Variants in GSE1 observed in about 807,000 individuals in gnomAD.
GSE1 encodes the protein genetic suppressor element 1.
A neutral mutation model predicts 112.6 loss-of-function variants in GSE1; 32 were observed. The ratio of observed to expected loss-of-function variants is 0.28; its 90% CI spans 0.21 to 0.38. The LOEUF (loss-of-function observed/expected upper bound fraction) is 0.38. GSE1 is among the 10% of genes least tolerant of loss of function. The pLI is 1.00. For missense variants in GSE1, 2,348 were observed against 1,699.2 expected (o/e 1.38, Z -6.71); for synonymous variants, 1,115 against 735.6 (o/e 1.52, Z -8.35).
intron 1 of GSE1, among the ~76,000 whole-genome samples, chr16:85,190,676 A>T (rs1462319964): frequency 6.6e-6 from 1 of 152,244 alleles, no homozygotes; most frequent in East Asian, 1.9e-4. Flanking sequence ...GCTGAGGCAG[A>T]ATGCCAGTGC....
intron 2 of GSE1, among the ~76,000 whole-genome samples, chr16:85,447,128 T>C (rs2049538648): frequency 6.6e-6 from 1 of 152,160 alleles, no homozygotes; most frequent in African/African-American, 2.4e-5. Flanking sequence ...TGGGCCTCCG[T>C]GTCATGGGCC....
intron 2 of GSE1, among the ~76,000 whole-genome samples, chr16:85,383,509 AC>A (rs2047608732): frequency 6.7e-6 from 1 of 149,118 alleles, no homozygotes; most frequent in Non-Finnish European, 1.5e-5. Context: ...ACACACACAC[AC>A]ACACACGCAC....
At chr16:85,625,327 G>A (rs982095373) in intron 1 of GSE1, among the ~76,000 whole-genome samples, 4 of 152,204 alleles carry the variant, frequency 2.6e-5, no homozygotes, top group Non-Finnish European at 2.9e-5. Context: ...GGGAACCTCC[G>A]GGACCAGTCC....
chr16:85,663,167 C>A (rs2052570951), intron 10 of GSE1, 74 bp downstream of exon 10: 3 of 1,251,752 alleles, frequency 2.4e-6, no homozygotes, highest in Non-Finnish European at 3.5e-6. Context: ...CTGCAGTCCA[C>A]CCCACTGTTG....
In GSE1 at chr16:85,269,428, ATGAG is replaced by A. The variant is rs1382368708; in HGVS notation, c.2284-88032_2284-88029del. ...GCAGGGTGGGAATACGCCTGTTAGC[ATGAG>A]TGTGTGGGTGTGTGAGTGTGTGTGT... On this transcript the variant is annotated intron_variant, in intron 1 of 2. Coordinates refer to the GSE1 transcript ENST00000637419. Among the ~76,000 whole-genome samples, 5 of 136,456 alleles carry A rather than the reference ATGAG, an allele frequency of 3.7e-5. No individual in the cohort carries two copies. The East Asian group carries it at 9.9e-4, about 27-fold the overall frequency. 89.5% of individuals were successfully genotyped at this position (136,456 alleles called of 152,430 possible).
chr16:85,378,470 G>A (rs2047472336), intron 2 of GSE1, among the ~76,000 whole-genome samples: 3 of 152,208 alleles, frequency 2.0e-5, no homozygotes, highest in Admixed American at 2.0e-4. Flanking sequence ...GCCACGGGAA[G>A]TCTGCTCAGC....
chr16:85,601,349 G>A (rs1598338814), intron 1 of GSE1, among the ~76,000 whole-genome samples: 2 of 152,210 alleles, frequency 1.3e-5, no homozygotes, highest in African/African-American at 4.8e-5. Context: ...CCAGGCCCAC[G>A]GCAGTCAGGG....
Position 85,284,756 on chromosome 16 carries a change from C to T in GSE1, c.2284-72707C>T, listed in dbSNP as rs576946651. ...ATACTAAGGGGAAGGCTGTCAGGTGCGGGCGGGGCTGGCACACACAGCTCA... is the reference window on the plus strand; with the variant it reads ...ATACTAAGGGGAAGGCTGTCAGGTGTGGGCGGGGCTGGCACACACAGCTCA... On this transcript the variant is annotated intron_variant, in intron 1 of 2. Coordinates refer to the GSE1 transcript ENST00000637419. 1.1e-4 allele frequency among the ~76,000 whole-genome samples: 16 copies of T among 152,158 alleles called. No homozygotes were observed. The East Asian group carries it at 1.9e-3, about 18-fold the overall frequency.
At chr16:85,305,297 T>C (rs532411677) in intron 1 of GSE1, among the ~76,000 whole-genome samples, 1 of 152,280 alleles carries the variant, frequency 6.6e-6, no homozygotes, top group East Asian at 1.9e-4. Context: ...ATGATGATTA[T>C]TATTATTTGG....
At chr16:85,254,332 G>T (rs987125849) in intron 1 of GSE1, among the ~76,000 whole-genome samples, 1 of 152,182 alleles carries the variant, frequency 6.6e-6, no homozygotes, top group Non-Finnish European at 1.5e-5. Flanking sequence ...CTCAGCCCAG[G>T]TGCCTGCAGA....
Position 85,493,058 on chromosome 16 carries a change from C to T in GSE1, c.2464+135415C>T, listed in dbSNP as rs565908668. 6.6e-5 allele frequency among the ~76,000 whole-genome samples: 10 copies of T among 152,168 alleles called. No individual in the cohort carries two copies. The East Asian group carries it at 1.5e-3, about 24-fold the overall frequency. ...CAGGGCTGGTGCCAGTGGGGGACAG[C>T]GGAGGCTGGTGGGGGGATGTTGGAG... On this transcript the variant is annotated intron_variant, in intron 2 of 2. Transcript: ENST00000637419.
chr16:85,604,889 C>T (rs2047631455), intron 1 of GSE1, among the ~76,000 whole-genome samples: 1 of 79,694 alleles, frequency 1.3e-5, no homozygotes, highest in Non-Finnish European at 2.4e-5. Flanking sequence ...GGGATCTCGG[C>T]TCACTGCAAG....
intron 1 of GSE1, among the ~76,000 whole-genome samples, chr16:85,248,471 C>T (rs1307590345): frequency 6.6e-6 from 1 of 151,802 alleles, no homozygotes; most frequent in Non-Finnish European, 1.5e-5. Flanking sequence ...CTCCTTTTTC[C>T]CTCCGTCTTT....
rs1324525647 is a variant in GSE1, at chr16:85,331,681, GTGTGTATATA to G, written c.2284-25780_2284-25771del. Among the ~76,000 whole-genome samples the G allele has an allele frequency of 1.7e-3, 82 of 48,186 alleles. 3 individuals carry two copies. Among genetic ancestry groups the G allele is most frequent in the African/African-American group, 6.2e-3 (72 of 11,690 alleles). 31.6% of individuals were successfully genotyped at this position (48,186 alleles called of 152,430 possible). A position where few individuals can be genotyped will look rare whatever the true frequency, so the allele number is the denominator to read the frequency against. ...TGTATATGTGTGTGTGTGTGTGTGTGTGTGTATATATATATATATATATATATTTTTTTTT... is the reference window on the plus strand; with the variant it reads ...TGTATATGTGTGTGTGTGTGTGTGTGTATATATATATATATATTTTTTTTT... On this transcript the variant is annotated intron_variant, in intron 1 of 2. Transcript: ENST00000637419.
intron 5 of GSE1, among the ~76,000 whole-genome samples, chr16:85,655,196 T>G (rs2051815159): frequency 1.3e-5 from 2 of 152,170 alleles, no homozygotes; most frequent in Non-Finnish European, 2.9e-5. Flanking sequence ...ACAGTCCCCC[T>G]TGGTGACTGT....
intron 1 of GSE1, among the ~76,000 whole-genome samples, chr16:85,267,995 T>C (rs1205337252): frequency 2.0e-5 from 3 of 152,166 alleles, no homozygotes; most frequent in Non-Finnish European, 4.4e-5. Flanking sequence ...AGGATTAACT[T>C]AGTGATACTT....
chr16:85,402,316 C>G (rs372420963), intron 2 of GSE1, among the ~76,000 whole-genome samples: 7 of 152,282 alleles, frequency 4.6e-5, no homozygotes. Context: ...GGAGAGGAGT[C>G]GCCAGTGGGA....
chr16:85,511,077 C>T (rs2051728972), intron 2 of GSE1, among the ~76,000 whole-genome samples: 1 of 152,246 alleles, frequency 6.6e-6, no homozygotes, highest in Admixed American at 6.5e-5. Flanking sequence ...CCTATGTCCT[C>T]AGTGCCCAGA....
At chr16:85,385,203 G>A (rs1249627747) in intron 2 of GSE1, among the ~76,000 whole-genome samples, 2 of 152,238 alleles carry the variant, frequency 1.3e-5, no homozygotes, top group Non-Finnish European at 2.9e-5. Context: ...GTTTTGGGGT[G>A]GGTGCCTCCA....
Sources: gnomAD v4.1 joint callset for allele counts (sites outside exome capture counted in the v4.1 genomes callset) on GRCh38, gnomAD v4.1.1 for gene constraint, MANE v1.5 for transcripts, NCBI Gene and HGNC (gene_info 2026-07-23, HGNC 2026-07-21) for gene names.